The following LGSN variants were observed in gnomAD, a reference collection of about 807,000 sequenced individuals.
LGSN encodes the protein lengsin, lens protein with glutamine synthetase domain.
LGSN carries 21 observed loss-of-function variants against 19.5 expected under a neutral mutation model. The ratio of observed to expected loss-of-function variants is 1.07; its 90% CI spans 0.76 to 1.55. LGSN has a LOEUF of 1.55. Ranked by LOEUF, LGSN falls within the 40% of genes most tolerant of loss-of-function variation. LGSN has a pLI of 0.00. For missense variants in LGSN, 673 were observed against 608.5 expected (o/e 1.11, Z -1.12); for synonymous variants, 257 against 215.6 (o/e 1.19, Z -1.68).
chr6:63,446,917 C>T, the LGSN span, among the ~76,000 whole-genome samples: 3 of 152,058 alleles, frequency 2.0e-5, no homozygotes, highest in Non-Finnish European at 2.9e-5. Flanking sequence ...GGTGTGGCAG[C>T]GGGAGCCTGT....
chr6:63,487,011 T>G, the LGSN span, among the ~76,000 whole-genome samples: 1 of 151,944 alleles, frequency 6.6e-6, no homozygotes, highest in South Asian at 2.1e-4. Context: ...AATTTTTGTA[T>G]TTTTAGTAGA....
the LGSN span, among the ~76,000 whole-genome samples, chr6:63,459,649 T>C: frequency 2.0e-5 from 3 of 152,044 alleles, no homozygotes; most frequent in African/African-American, 7.2e-5. Flanking sequence ...ACTTATTCAG[T>C]AGTAATCTTT....
chr6:63,508,576 G>C, the LGSN span, among the ~76,000 whole-genome samples: 1 of 152,104 alleles, frequency 6.6e-6, no homozygotes, highest in Non-Finnish European at 1.5e-5. Flanking sequence ...ATGATTAAAA[G>C]TCATTAGGGT....
intron 1 of LGSN, among the ~76,000 whole-genome samples, chr6:63,318,980 A>C (rs1159595421): frequency 1.3e-5 from 2 of 152,206 alleles, no homozygotes; most frequent in Non-Finnish European, 2.9e-5. Flanking sequence ...TGATGCCTAC[A>C]ACAGTGACAT....
At chr6:63,541,707 A>G in the LGSN span, among the ~76,000 whole-genome samples, 1 of 152,174 alleles carries the variant, frequency 6.6e-6, no homozygotes, top group Non-Finnish European at 1.5e-5. Flanking sequence ...GCAAGCCCCT[A>G]CTGTCTCCAT....
the LGSN span, among the ~76,000 whole-genome samples, chr6:63,421,762 A>G: frequency 0.015 from 2,252 of 152,212 alleles, 49 homozygotes; most frequent in African/African-American, 0.052. Context: ...GAAATTATTC[A>G]ATATGAACAA....
At chr6:63,420,256 T>C in the LGSN span, among the ~76,000 whole-genome samples, 1 of 152,042 alleles carries the variant, frequency 6.6e-6, no homozygotes. Context: ...TTTTCCCTTC[T>C]GCATCCCCCC....
intron 1 of LGSN, among the ~76,000 whole-genome samples, chr6:63,314,336 G>T (rs1488967133): frequency 1.3e-5 from 2 of 152,110 alleles, no homozygotes; most frequent in South Asian, 4.1e-4. Flanking sequence ...AGAAAGTGAG[G>T]CCTCACTACA....
chr6:63,366,112 G>T, the LGSN span, among the ~76,000 whole-genome samples: 7 of 152,008 alleles, frequency 4.6e-5, no homozygotes, highest in Admixed American at 6.6e-5. Flanking sequence ...GAGAAAGAAA[G>T]AAAGGGTATT....
At chr6:63,428,383 A>T in the LGSN span, among the ~76,000 whole-genome samples, 1 of 152,156 alleles carries the variant, frequency 6.6e-6, no homozygotes, top group East Asian at 1.9e-4. Flanking sequence ...ATGGGGTCTC[A>T]CTCTGTCACC....
the LGSN span, chr6:63,441,719 G>T: frequency 2.4e-6 from 1 of 417,620 alleles, no homozygotes; most frequent in Non-Finnish European, 4.6e-6. Context: ...ACCTACCAAG[G>T]AAACAAATTA....
chr6:63,527,182 T>C, the LGSN span, among the ~76,000 whole-genome samples: 16 of 152,174 alleles, frequency 1.1e-4, no homozygotes, highest in African/African-American at 3.9e-4. Context: ...ACAGTGAGTC[T>C]TCCTCAGAAT....
the LGSN span, among the ~76,000 whole-genome samples, chr6:63,453,533 C>T: frequency 6.3e-4 from 96 of 152,024 alleles, 1 homozygote; most frequent in South Asian, 0.01. Context: ...TTCTTCATTA[C>T]CCCTGGTAAT....
chr6:63,377,280 C>A, the LGSN span, among the ~76,000 whole-genome samples: 1 of 152,124 alleles, frequency 6.6e-6, no homozygotes, highest in African/African-American at 2.4e-5. Flanking sequence ...CAGAGAGCAA[C>A]CCAGAAGGTG....
the LGSN span, among the ~76,000 whole-genome samples, chr6:63,462,046 T>G: frequency 6.6e-6 from 1 of 152,192 alleles, no homozygotes; most frequent in Non-Finnish European, 1.5e-5. Context: ...TTTCCTTCGT[T>G]TCTTCTGCAA....
Sources: allele counts gnomAD v4.1 joint callset (sites outside exome capture counted in the v4.1 genomes callset), GRCh38; gene constraint gnomAD v4.1.1; transcripts MANE v1.5; gene names NCBI Gene and HGNC (gene_info 2026-07-23, HGNC 2026-07-21).